Variants in SMYD3 observed in about 807,000 individuals in gnomAD.
The protein encoded by SMYD3 is histone-lysine N-methyltransferase SMYD3.
Under a neutral mutation model 57.7 loss-of-function variants are expected in SMYD3, and 36 were observed. The ratio of observed to expected loss-of-function variants is 0.62; its 90% CI spans 0.48 to 0.82. The LOEUF (loss-of-function observed/expected upper bound fraction) is 0.82. Among genes scored for constraint, SMYD3 ranks in the 40% least tolerant of loss-of-function variants. The pLI, the probability that SMYD3 is intolerant of heterozygous loss-of-function variation, is 0.00. For synonymous variants in SMYD3, 211 were observed against 195.0 expected (o/e 1.08, Z -0.68); for missense variants, 515 against 538.8 (o/e 0.96, Z 0.44).
At chr1:245,867,049 A>G (rs12031034) in intron 8 of SMYD3, among the ~76,000 whole-genome samples, 87,583 of 152,152 alleles carry the variant, frequency 0.58, 27,707 homozygotes, top group Non-Finnish European at 0.73. Flanking sequence ...GTTAGGCCAC[A>G]TTGCAAAGGG....
chr1:246,030,450 T>C lies in SMYD3; in HGVS notation c.532-100513A>G, dbSNP rs2148259904. On this transcript the variant is annotated intron_variant, in intron 5 of 11. Coordinates refer to ENST00000490107, the MANE Select transcript of SMYD3 (RefSeq NM_001167740.2). ...AATGGGAGGGAGGTTGTTTGATGGA[T>C]ACAAAATTACAGTTACATAGAGAGG... Among the ~76,000 whole-genome samples the C allele has an allele frequency of 1.3e-5, 2 of 152,298 alleles. 1 individual carries two copies. Among genetic ancestry groups the C allele is most frequent in the Middle Eastern group, 6.8e-3 (2 of 294 alleles).
chr1:246,162,067 C>T (rs1176633345), intron 5 of SMYD3, among the ~76,000 whole-genome samples: 1 of 152,078 alleles, frequency 6.6e-6, no homozygotes, highest in Non-Finnish European at 1.5e-5. Flanking sequence ...TGTACCTGGC[C>T]GGCTAAGCAA....
At chr1:246,142,646 C>T (rs2061776169) in intron 5 of SMYD3, among the ~76,000 whole-genome samples, 1 of 152,256 alleles carries the variant, frequency 6.6e-6, no homozygotes, top group East Asian at 1.9e-4. Context: ...CTTCTCAGAA[C>T]AGTGCACGAC....
rs74915437 is a variant in SMYD3, at chr1:245,999,236, A to C, written c.532-69299T>G. ...GAAAACAAGGTGGAAATAAAAAAAA[A>C]ATAAGAGCTTAAGAAATAAAAGGGG... is the stretch of plus-strand genomic sequence containing the variant. On this transcript the variant is annotated intron_variant, in intron 5 of 11. Coordinates refer to ENST00000490107, the MANE Select transcript of SMYD3 (RefSeq NM_001167740.2). Among the ~76,000 whole-genome samples the C allele has an allele frequency of 6.0e-3, 915 of 152,284 alleles. 14 individuals are homozygous for C. The highest frequency in any genetic ancestry group is 8.1e-3 in the Non-Finnish European group (552 of 68,034).
At chr1:245,930,052 A>G in intron 5 of SMYD3, 115 bp from the exon 6 acceptor site, 1 of 814,918 alleles carries the variant, frequency 1.2e-6, no homozygotes, top group East Asian at 2.7e-5. Flanking sequence ...GTTGCTTAAG[A>G]AAGAGCCAAG....
intron 1 of SMYD3, among the ~76,000 whole-genome samples, chr1:246,505,168 T>G (rs2068517298): frequency 6.6e-6 from 1 of 152,210 alleles, no homozygotes; most frequent in South Asian, 2.1e-4. Flanking sequence ...ATGCTTAGCA[T>G]TTACTTATAT....
intron 10 of SMYD3, among the ~76,000 whole-genome samples, chr1:245,802,249 A>G (rs2791398): frequency 0.89 from 135,435 of 152,196 alleles, 60,574 homozygotes; most frequent in African/African-American, 0.97. Flanking sequence ...TGTTCCTGGC[A>G]TGGAGTTCTA....
At chr1:245,993,873 C>T (rs1021098846) in intron 5 of SMYD3, among the ~76,000 whole-genome samples, 18 of 152,158 alleles carry the variant, frequency 1.2e-4, no homozygotes, top group Non-Finnish European at 2.2e-4. Context: ...GAACTATACA[C>T]TTAAATGATT....
intron 5 of SMYD3, among the ~76,000 whole-genome samples, chr1:246,121,432 CAAAAAA>C (rs10646615): frequency 3.9e-4 from 39 of 100,290 alleles, no homozygotes; most frequent in Non-Finnish European, 5.1e-4. Flanking sequence ...TTCCATTTTG[CAAAAAA>C]AAAAAAAAAA....
chr1:246,341,752 T>C (rs2065636532), intron 2 of SMYD3, among the ~76,000 whole-genome samples: 2 of 152,220 alleles, frequency 1.3e-5, no homozygotes, highest in Admixed American at 6.5e-5. Context: ...CCCTCTCCTC[T>C]TTACATACAA....
At chr1:246,215,481 A>C (rs2063150671) in intron 5 of SMYD3, among the ~76,000 whole-genome samples, 1 of 152,112 alleles carries the variant, frequency 6.6e-6, no homozygotes, top group African/African-American at 2.4e-5. Flanking sequence ...GCCATCTTAA[A>C]ACTTTGTCAG....
At chr1:246,284,121 G>A (rs1456259772) in intron 5 of SMYD3, among the ~76,000 whole-genome samples, 1 of 152,140 alleles carries the variant, frequency 6.6e-6, no homozygotes, top group East Asian at 1.9e-4. Flanking sequence ...CAAAAGCACC[G>A]GTGAGTATGC....
At chr1:245,840,164 TC>T (rs1314376661) in intron 10 of SMYD3, among the ~76,000 whole-genome samples, 1 of 152,120 alleles carries the variant, frequency 6.6e-6, no homozygotes, top group African/African-American at 2.4e-5. Context: ...GGAAAACTTT[TC>T]CCAGAGCTAA....
intron 10 of SMYD3, among the ~76,000 whole-genome samples, chr1:245,824,534 T>G (rs1354188219): frequency 6.6e-6 from 1 of 151,872 alleles, no homozygotes; most frequent in African/African-American, 2.4e-5. Context: ...CTGGCCAACA[T>G]GGTGAAACCC....
At chr1:245,931,912 CAT>C (rs1479567797) in intron 5 of SMYD3, among the ~76,000 whole-genome samples, 3 of 152,128 alleles carry the variant, frequency 2.0e-5, no homozygotes, top group African/African-American at 7.2e-5. Flanking sequence ...CAAAATTATA[CAT>C]ATATATTTGT....
At chr1:246,113,184 A>AAATAAAT (rs1558239582) in intron 5 of SMYD3, among the ~76,000 whole-genome samples, 175 of 145,522 alleles carry the variant, frequency 1.2e-3, no homozygotes, top group Admixed American at 2.0e-3. Context: ...TCTGTCTCAA[A>AAATAAAT]AAATAAATAA....
At chr1:245,794,063 T>C (rs961619821) in intron 10 of SMYD3, among the ~76,000 whole-genome samples, 25 of 152,362 alleles carry the variant, frequency 1.6e-4, no homozygotes, top group African/African-American at 5.5e-4. Flanking sequence ...TGTATGGTGA[T>C]ATATGTGGAT....
chr1:245,967,502 G>C (rs970152730), intron 5 of SMYD3, among the ~76,000 whole-genome samples: 1 of 152,192 alleles, frequency 6.6e-6, no homozygotes, highest in Non-Finnish European at 1.5e-5. Context: ...GGCATTTGTG[G>C]AAGTGTGGAG....
chr1:245,965,254 G>C lies in SMYD3; in HGVS notation c.532-35317C>G, dbSNP rs554382676. ...AATGAATGACAGTGATGATTCCAAA[G>C]ATGGGAGGGAAGAATTGGGAATATT... On this transcript the variant is annotated intron_variant, in intron 5 of 11. Coordinates refer to ENST00000490107, the MANE Select transcript of SMYD3 (RefSeq NM_001167740.2). Among the ~76,000 whole-genome samples, 47 of 152,304 alleles carry C rather than the reference G, an allele frequency of 3.1e-4. No homozygotes were observed. The Middle Eastern group carries it at 0.01, about 33-fold the overall frequency.
Sources: allele counts gnomAD v4.1 joint callset (sites outside exome capture counted in the v4.1 genomes callset), GRCh38; gene constraint gnomAD v4.1.1; transcripts MANE v1.5; gene names NCBI Gene and HGNC (gene_info 2026-07-23, HGNC 2026-07-21).